TJP1: variants seen among roughly 807,000 people sequenced by gnomAD.
TJP1 encodes the protein tight junction protein ZO-1.
TJP1 carries 43 observed loss-of-function variants against 194.2 expected under a neutral mutation model. That is an observed-to-expected ratio of 0.22 (90% confidence interval 0.17 to 0.29). TJP1 has a LOEUF of 0.29. Among genes scored for constraint, TJP1 ranks in the 10% least tolerant of loss-of-function variants. The pLI is 1.00. For synonymous variants in TJP1, 801 were observed against 779.0 expected, an observed-to-expected ratio of 1.03 and a Z score of -0.47; for missense variants, 1,971 against 2,185.7, an observed-to-expected ratio of 0.90 and a Z score of 1.96.
Position 29,742,241 on chromosome 15 carries a change from A to C in TJP1, c.1150+401T>G, listed in dbSNP as rs117519939. Among the ~76,000 whole-genome samples, 734 of 151,174 alleles carry C rather than the reference A, an allele frequency of 4.9e-3. 30 individuals are homozygous for C. The East Asian group carries it at 0.098, about 20-fold the overall frequency. ...CACTCCAGCTGGGTGACAGAGTGAG[A>C]CTCTGTCTCAAAAAAAAAAACCCAA... On this transcript the variant is annotated intron_variant, in intron 9 of 27. Coordinates refer to ENST00000614355, the MANE Select transcript of TJP1 (RefSeq NM_001330239.4).
chr15:29,959,607 G>A (rs1265240984), intron 1 of TJP1, among the ~76,000 whole-genome samples: 2 of 152,032 alleles, frequency 1.3e-5, no homozygotes, highest in African/African-American at 2.4e-5. Flanking sequence ...GCTACCTCTA[G>A]GACAGCCCTG....
At chr15:29,745,721 A>C (rs1301618646) in intron 8 of TJP1, among the ~76,000 whole-genome samples, 1 of 152,246 alleles carries the variant, frequency 6.6e-6, no homozygotes, top group African/African-American at 2.4e-5. Flanking sequence ...GAAGGTGCTT[A>C]CTGCCATGTT....
intron 1 of TJP1, chr15:29,968,034 G>A: frequency 1.0e-6 from 1 of 977,164 alleles, no homozygotes; most frequent in Non-Finnish European, 1.2e-6. Flanking sequence ...CAATCCTGTA[G>A]ATAATCAGCA....
rs745874744 is a variant in TJP1 at position 29,761,784 on chromosome 15, A to G, written c.694-15T>C. ...GTACCATTTATCTGCAACAGAAAAT[A>G]AATTACAGCTTGAAAGTAAATAATA... On this transcript the variant is annotated splice_polypyrimidine_tract_variant and intron_variant, in intron 6 of 27. Coordinates refer to ENST00000614355, the MANE Select transcript of TJP1 (RefSeq NM_001330239.4). 1.6e-5 allele frequency: 24 copies of G among 1,523,408 alleles called. No homozygotes were observed. Among genetic ancestry groups the G allele is most frequent in the Admixed American group, 7.4e-5 (4 of 54,272 alleles). 94.4% of individuals were successfully genotyped at this position (1,523,408 alleles called of 1,614,324 possible). A position where few individuals can be genotyped will look rare whatever the true frequency, so the allele number is the denominator to read the frequency against.
intron 1 of TJP1, among the ~76,000 whole-genome samples, chr15:29,819,292 T>G (rs2050161857): frequency 6.6e-6 from 1 of 152,200 alleles, no homozygotes; most frequent in Non-Finnish European, 1.5e-5. Context: ...TCTCCAATAG[T>G]CTACAATATT....
At chr15:29,889,354 C>T (rs1426196294) in intron 2 of TJP1, among the ~76,000 whole-genome samples, 1 of 152,098 alleles carries the variant, frequency 6.6e-6, no homozygotes, top group Non-Finnish European at 1.5e-5. Context: ...GCTTCTCAGA[C>T]ATTTTAAATA....
chr15:29,952,327 G>C (rs1208131979), intron 2 of TJP1, among the ~76,000 whole-genome samples: 1 of 152,206 alleles, frequency 6.6e-6, no homozygotes, highest in Non-Finnish European at 1.5e-5. Flanking sequence ...CAGGGAGACT[G>C]GATGGATTCC....
chr15:29,810,060 A>G (rs996308267), intron 1 of TJP1, among the ~76,000 whole-genome samples: 3 of 152,184 alleles, frequency 2.0e-5, no homozygotes, highest in African/African-American at 7.2e-5. Context: ...AAAAATCTGA[A>G]ATCTGAAATG....
chr15:29,737,274 T>C lies in TJP1; in HGVS notation c.1397A>G (p.Gln466Arg). The change falls in exon 11 of 28, where the codon CAA becomes CGA. Residue 466 changes from glutamine (Q) to arginine (R), a missense_variant. Around this residue, in one of 5 missense-constraint regions of TJP1, gnomAD observed 402 missense variants for 484.2 expected, o/e 0.83. Coordinates refer to ENST00000614355, the MANE Select transcript of TJP1 (RefSeq NM_001330239.4). The part of the protein sequence containing the change: ...AAKEGLEEGD[Q>R]ILRVNNVDFT... Reference sequence around the variant, plus strand: ...GCAATACTGACATACCCTGAGAATTTGATCACCTTCCTCTAAGCCTTCCTT... The same window carrying C: ...GCAATACTGACATACCCTGAGAATTCGATCACCTTCCTCTAAGCCTTCCTT... The C allele has an allele frequency of 1.2e-6, 2 of 1,614,068 alleles. No individual in the cohort carries two copies. Among genetic ancestry groups the C allele is most frequent in the Non-Finnish European group, 1.7e-6 (2 of 1,179,960 alleles).
chr15:29,833,869 A>ATT (rs1350588888), intron 2 of TJP1, among the ~76,000 whole-genome samples: 1 of 19,210 alleles, frequency 5.2e-5, no homozygotes, highest in Non-Finnish European at 1.0e-4. Flanking sequence ...ATATATATAT[A>ATT]TATATATATA....
At chr15:29,787,353 AAC>A (rs1465828273) in intron 2 of TJP1, among the ~76,000 whole-genome samples, 1 of 152,224 alleles carries the variant, frequency 6.6e-6, no homozygotes, top group Non-Finnish European at 1.5e-5. Flanking sequence ...CTTTGAAGAA[AAC>A]ACAGGAATAA....
At chr15:29,837,095 T>C (rs1404886117) in intron 2 of TJP1, among the ~76,000 whole-genome samples, 4 of 152,192 alleles carry the variant, frequency 2.6e-5, no homozygotes, top group African/African-American at 9.6e-5. Context: ...ACAGAAAAGA[T>C]GTGGAGGTGA....
At chr15:29,718,157 T>C in intron 21 of TJP1, 39 bp from the exon 22 acceptor site, 2 of 1,552,234 alleles carry the variant, frequency 1.3e-6, no homozygotes, top group Non-Finnish European at 1.8e-6. Context: ...CAAATATGCC[T>C]AAGGAACAGA....
At chr15:29,960,300 A>G (rs1439268186) in intron 1 of TJP1, among the ~76,000 whole-genome samples, 1 of 152,148 alleles carries the variant, frequency 6.6e-6, no homozygotes, top group East Asian at 1.9e-4. Flanking sequence ...AAAACAGAAA[A>G]ATAAAATGAT....
intron 4 of TJP1, among the ~76,000 whole-genome samples, chr15:29,770,247 T>A (rs2046571478): frequency 6.6e-6 from 1 of 151,892 alleles, no homozygotes; most frequent in Admixed American, 6.6e-5. Context: ...CGGAGTTCAA[T>A]ACCAGCCTGG....
intron 1 of TJP1, among the ~76,000 whole-genome samples, chr15:29,801,618 C>T (rs1442123209): frequency 4.6e-5 from 7 of 151,236 alleles, no homozygotes; most frequent in Non-Finnish European, 8.8e-5. Context: ...CCCGCCACTA[C>T]GCCCGGCTAA....
chr15:29,724,078 T>C (rs2043093590), intron 18 of TJP1, among the ~76,000 whole-genome samples: 1 of 152,242 alleles, frequency 6.6e-6, no homozygotes, highest in Non-Finnish European at 1.5e-5. Context: ...TTGGTGTGGC[T>C]CTGCAGGTCT....
intron 26 of TJP1, among the ~76,000 whole-genome samples, chr15:29,704,765 T>C (rs2041784820): frequency 6.6e-6 from 1 of 152,210 alleles, no homozygotes; most frequent in Non-Finnish European, 1.5e-5. Flanking sequence ...TGATATATTT[T>C]CCATTTTCAA....
intron 2 of TJP1, among the ~76,000 whole-genome samples, chr15:29,838,612 C>CTGTGTG (rs34137363): frequency 1.3e-5 from 2 of 150,108 alleles, no homozygotes; most frequent in African/African-American, 4.9e-5. Flanking sequence ...CTCTGTGTGT[C>CTGTGTG]TGTGTGTGTG....
Sources: gnomAD v4.1 joint callset for allele counts (sites outside exome capture counted in the v4.1 genomes callset) on GRCh38, gnomAD v4.1.1 for gene constraint, gnomAD v4.1.1 regional missense constraint, MANE v1.5 for transcripts, NCBI Gene and HGNC (gene_info 2026-07-23, HGNC 2026-07-21) for gene names.